Variants in LYST observed in about 807,000 individuals in gnomAD.
LYST encodes lysosomal-trafficking regulator.
Under a neutral mutation model 413.6 loss-of-function variants are expected in LYST, and 192 were observed. The ratio of observed to expected loss-of-function variants is 0.46; its 90% CI spans 0.41 to 0.52. The LOEUF is 0.52. Among genes scored for constraint, LYST ranks in the 20% least tolerant of loss-of-function variants. The pLI is 0.00. For missense variants in LYST, 3,815 were observed against 4,499.9 expected, an observed-to-expected ratio of 0.85 and a Z score of 4.35; for synonymous variants, 1,525 against 1,567.3, an observed-to-expected ratio of 0.97 and a Z score of 0.64.
At chr1:235,871,644 A>T (rs1387454408), upstream of LYST, among the ~76,000 whole-genome samples, 3 of 152,254 alleles carry the variant, frequency 2.0e-5, no homozygotes, top group Non-Finnish European at 4.4e-5. Flanking sequence ...TTAACAACCT[A>T]TAGAAGCAAG....
intron 1 of LYST, among the ~76,000 whole-genome samples, chr1:235,837,558 G>A (rs1275373578): frequency 6.6e-6 from 1 of 151,684 alleles, no homozygotes; most frequent in African/African-American, 2.4e-5. Flanking sequence ...ACCTGAAAGG[G>A]GGAGGTTGCA....
intron 3 of LYST, among the ~76,000 whole-genome samples, chr1:235,814,397 T>C (rs1246110386): frequency 2.6e-5 from 4 of 152,102 alleles, no homozygotes; most frequent in East Asian, 1.9e-4. Context: ...GGTGAGAATA[T>C]AGAATGACAA....
Position 235,809,550 on chromosome 1 carries a change from G to A in LYST, c.1268C>T (p.Pro423Leu). Residue 423 changes from proline to leucine, a missense_variant, in exon 5 of 53, where the codon CCC becomes CTC. Pro to Leu is a moderately conservative substitution (Grantham distance 98, BLOSUM62 -3). This residue lies in a region of LYST where 1,648 missense variants were observed against 1,810.3 expected (regional missense o/e 0.91). Coordinates refer to ENST00000389793, the MANE Select transcript of LYST (RefSeq NM_000081.4). The surrounding 1 kb of genome is among the most constrained non-coding windows in gnomAD (Gnocchi z 4.0). ...ATCCATGGCTTGACTGAAGTAGAAG[G>A]GATTTGAAGCTGCACTTTGAAGACA... is the stretch of plus-strand genomic sequence containing the variant. ...ICCLQSAASN[P>L]FYFSQAMDLV... 1 of 1,613,876 alleles carries A rather than the reference G, an allele frequency of 6.2e-7. No homozygotes were observed. The highest frequency in any genetic ancestry group is 1.1e-5 in the South Asian group (1 of 91,076).
Position 235,751,974 on chromosome 1 carries a change from C to G in LYST, c.7627+31G>C, listed in dbSNP as rs1273700040. 2.6e-6 allele frequency: 4 copies of G among 1,521,098 alleles called. 1 individual carries two copies. The highest frequency in any genetic ancestry group is 3.6e-6 in the Non-Finnish European group (4 of 1,099,966). The allele number at this position is 1,521,098 out of a possible 1,614,324, so 94.2% of individuals were successfully genotyped here. On this transcript the variant is annotated intron_variant, in intron 27 of 52. Coordinates refer to ENST00000389793, the MANE Select transcript of LYST (RefSeq NM_000081.4). ...AACAGGTTTGTCTGTTATACAACTCCCTCCCCAAATTCATAAAAATTAAAT... is the reference window on the plus strand; with the variant it reads ...AACAGGTTTGTCTGTTATACAACTCGCTCCCCAAATTCATAAAAATTAAAT...
In LYST at chr1:235,806,656, A is replaced by T. The variant is rs187257944; in HGVS notation, c.2480T>A (p.Leu827Gln). ...TGAGGCATCTTTCTGTTGCTCCCCT[A>T]GGCTGATTATCAGAGTTTCAAATGC... ...LKAFETLIIS[L>Q]GEQQKDASVP... Residue 827 changes from leucine to glutamine, a missense_variant, in exon 6 of 53, where the codon CTA (leucine) becomes CAA (glutamine). Leu to Gln is a moderately radical substitution (Grantham distance 113). Coordinates refer to ENST00000389793, the MANE Select transcript of LYST (RefSeq NM_000081.4). 202 of 1,613,916 alleles carry T rather than the reference A, an allele frequency of 1.3e-4. No homozygotes were observed. The highest frequency in any genetic ancestry group is 1.6e-4 in the Non-Finnish European group (189 of 1,179,832).
chr1:235,709,464 A>G (rs1206111218), intron 43 of LYST, among the ~76,000 whole-genome samples, 156 bp from the exon 44 acceptor site: 4 of 150,050 alleles, frequency 2.7e-5, no homozygotes, highest in Non-Finnish European at 5.9e-5. Context: ...AAGAAACACC[A>G]CTGCTCATCT....
Position 235,755,602 on chromosome 1 carries a change from T to A in LYST, c.7105A>T (p.Lys2369Ter). 1 of 1,613,620 alleles carries A rather than the reference T, an allele frequency of 6.2e-7. No individual in the cohort carries two copies. Among genetic ancestry groups the A allele is most frequent in the East Asian group, 2.2e-5 (1 of 44,856 alleles). Residue 2369 changes from lysine to a stop codon, truncating the protein, a stop_gained, in exon 25 of 53, where the codon AAA (lysine) becomes TAA (stop). Transcript: ENST00000389793. LOFTEE classifies it high-confidence loss of function. ...GAAAATCCACGATTCTTCAGAAATT[T>A]ATCTTTTTGTTCCTTAGATGCTCTA... is the stretch of plus-strand genomic sequence containing the variant. ...FARASKEQKD[K>*]FLKNRGFSLL... is the part of the protein sequence containing the mutation.
chr1:235,778,021 C>G (rs1417528634), intron 16 of LYST, among the ~76,000 whole-genome samples: 1 of 150,304 alleles, frequency 6.7e-6, no homozygotes, highest in Non-Finnish European at 1.5e-5. Flanking sequence ...CTCCTAGGCT[C>G]AAGGGATCCT....
intron 40 of LYST, among the ~76,000 whole-genome samples, chr1:235,719,042 G>A (rs1383712257): frequency 6.6e-6 from 1 of 152,100 alleles, no homozygotes. Flanking sequence ...TTTTGAGACG[G>A]AGTTTCACTC....
Position 235,686,974 on chromosome 1 carries a change from T to C in LYST, c.10775A>G (p.Tyr3592Cys), listed in dbSNP as rs1660267849. 6.2e-7 allele frequency: 1 copy of C among 1,614,102 alleles called. No individual in the cohort carries two copies. The highest frequency in any genetic ancestry group is 2.2e-5 in the East Asian group (1 of 44,862). The change falls in exon 48 of 53, where the codon TAC (tyrosine) becomes TGC (cysteine). Residue 3592 changes from tyrosine to cysteine, a missense_variant. By Grantham distance (194) the Tyr-to-Cys change is radical. Around this residue, in one of 4 missense-constraint regions of LYST, gnomAD observed 866 missense variants for 1,156.0 expected, o/e 0.75. Transcript: ENST00000389793. The surrounding 1 kb of genome is among the most constrained non-coding windows in gnomAD (Gnocchi z 4.0). Reference protein sequence around the residue: ...TGSKCGVITAYTNRFTSSTPS... With the variant: ...TGSKCGVITACTNRFTSSTPS... ...CGTGCTGCTTGTAAATCTGTTTGTG[T>C]AGGCTGTGATGACACCGCATTTGCT...
rs142093128 is a variant in LYST at position 235,773,990 on chromosome 1, G to T, written c.5636C>A (p.Thr1879Asn). The T allele has an allele frequency of 1.1e-4, 183 of 1,599,980 alleles. No homozygotes were observed. The highest frequency in any genetic ancestry group is 1.5e-4 in the Non-Finnish European group (170 of 1,167,644). The part of the protein sequence containing the change: ...KCIVGFYILK[T>N]LLEGCCGEDI... ...TTCACCACAGCATCCTTCAAGAAGG[G>T]TCTATAGAAAATTAGCATTAATATA... Residue 1879 changes from threonine to asparagine, a missense_variant and splice_region_variant, in exon 19 of 53, where the codon ACC becomes AAC. Thr to Asn is a moderately conservative substitution (Grantham distance 65, BLOSUM62 0). Around this residue, in one of 4 missense-constraint regions of LYST, gnomAD observed 530 missense variants for 696.5 expected, o/e 0.76. Coordinates refer to ENST00000389793, the MANE Select transcript of LYST (RefSeq NM_000081.4).
intron 39 of LYST, among the ~76,000 whole-genome samples, chr1:235,722,392 G>C (rs972107920): frequency 6.6e-6 from 1 of 152,210 alleles, no homozygotes; most frequent in African/African-American, 2.4e-5. Context: ...ATAGAGGAGA[G>C]CAGAGAAATG....
At chr1:235,721,655 T>C (rs1663378728) in intron 39 of LYST, among the ~76,000 whole-genome samples, 1 of 152,072 alleles carries the variant, frequency 6.6e-6, no homozygotes, top group African/African-American at 2.4e-5. Flanking sequence ...GTACTGGTAG[T>C]TGTGGAATAG....
At chr1:235,748,567 G>A (rs1403494336) in intron 28 of LYST, among the ~76,000 whole-genome samples, 2 of 152,054 alleles carry the variant, frequency 1.3e-5, no homozygotes, top group Non-Finnish European at 2.9e-5. Context: ...TACCATTTAG[G>A]TAAAATTACA....
intron 17 of LYST, 118 bp downstream of exon 17, chr1:235,776,945 T>C (rs182968222): frequency 2.5e-6 from 2 of 815,388 alleles, no homozygotes; most frequent in African/African-American, 1.7e-5. Flanking sequence ...TTTTTTTATG[T>C]TAAAAGTTTA....
intron 3 of LYST, chr1:235,827,761 A>T: frequency 1.1e-6 from 1 of 942,676 alleles, no homozygotes; most frequent in Non-Finnish European, 1.3e-6. Context: ...CAGGAAAAAA[A>T]TATTTAACTT....
chr1:235,878,292 G>C (rs919549216), intron 1 of LYST, among the ~76,000 whole-genome samples: 3 of 152,136 alleles, frequency 2.0e-5, no homozygotes, highest in Admixed American at 1.3e-4. Flanking sequence ...ATGAGGGAGT[G>C]GCTTGTGGCA....
At chr1:235,755,008 AG>A (rs1216751773) in intron 25 of LYST, among the ~76,000 whole-genome samples, 7 of 144,890 alleles carry the variant, frequency 4.8e-5, no homozygotes, top group South Asian at 4.5e-4. Context: ...TAGGAGTTCA[AG>A]GCTGCAATGA....
intron 1 of LYST, among the ~76,000 whole-genome samples, chr1:235,882,236 G>A (rs2103250101): frequency 6.6e-6 from 1 of 152,258 alleles, no homozygotes; most frequent in South Asian, 2.1e-4. Context: ...GATATTCCAG[G>A]CTGAGGGAAT....
Sources: allele counts gnomAD v4.1 joint callset (sites outside exome capture counted in the v4.1 genomes callset), GRCh38; gene constraint gnomAD v4.1.1; regional missense constraint gnomAD v4.1.1; non-coding constraint Gnocchi (gnomAD v3.1); transcripts MANE v1.5; gene names NCBI Gene and HGNC (gene_info 2026-07-23, HGNC 2026-07-21).